RANBP2: variants seen among roughly 807,000 people sequenced by gnomAD.
RANBP2 encodes E3 SUMO-protein ligase RanBP2.
A neutral mutation model predicts 303.6 loss-of-function variants in RANBP2; 57 were observed. The observed-to-expected ratio is 0.19, with a 90% CI of 0.15 to 0.23. The LOEUF (loss-of-function observed/expected upper bound fraction) is 0.23. RANBP2 is among the 10% of genes least tolerant of loss of function. The pLI is 1.00. For synonymous variants in RANBP2, 1,167 were observed against 1,301.5 expected (o/e 0.90, Z 2.23); for missense variants, 3,138 against 3,780.8 (o/e 0.83, Z 4.46).
At chr2:109,307,191 G>A in the RANBP2 span, among the ~76,000 whole-genome samples, 1 of 152,178 alleles carries the variant, frequency 6.6e-6, no homozygotes, top group African/African-American at 2.4e-5. Flanking sequence ...CCACTGCTGG[G>A]AGGTGCACAT....
the RANBP2 span, among the ~76,000 whole-genome samples, chr2:109,489,074 G>C: frequency 1.3e-5 from 2 of 152,360 alleles, no homozygotes; most frequent in African/African-American, 4.8e-5. Flanking sequence ...AAAGTGGGGA[G>C]CGAAGGCCGA....
the RANBP2 span, among the ~76,000 whole-genome samples, chr2:109,578,195 A>G: frequency 6.6e-6 from 1 of 152,190 alleles, no homozygotes; most frequent in Non-Finnish European, 1.5e-5. Flanking sequence ...ATATGTCGGT[A>G]ATTACATTAA....
At chr2:109,099,337 T>C in the RANBP2 span, among the ~76,000 whole-genome samples, 1 of 152,200 alleles carries the variant, frequency 6.6e-6, no homozygotes, top group Non-Finnish European at 1.5e-5. Context: ...AGGCATCCTG[T>C]GCTCAGTCTC....
the RANBP2 span, among the ~76,000 whole-genome samples, chr2:109,081,371 C>A: frequency 6.6e-6 from 1 of 152,124 alleles, no homozygotes; most frequent in South Asian, 2.1e-4. Context: ...GCCCCCCATG[C>A]AGGGATGGGG....
chr2:109,077,584 A>G, the RANBP2 span, among the ~76,000 whole-genome samples: 2 of 150,590 alleles, frequency 1.3e-5, no homozygotes, highest in South Asian at 4.2e-4. Flanking sequence ...TATACAAAAT[A>G]TATTAGGTAC....
At chr2:109,033,807 T>A in the RANBP2 span, among the ~76,000 whole-genome samples, 2 of 148,490 alleles carry the variant, frequency 1.3e-5, no homozygotes, top group African/African-American at 2.5e-5. Context: ...ACAAAAAAAA[T>A]GAGCCAGGTG....
At chr2:109,641,860 C>A in the RANBP2 span, among the ~76,000 whole-genome samples, 4 of 152,134 alleles carry the variant, frequency 2.6e-5, no homozygotes, top group Non-Finnish European at 5.9e-5. Flanking sequence ...GGCTGGAGTA[C>A]AATGGTGCAA....
chr2:109,704,757 A>T, the RANBP2 span, among the ~76,000 whole-genome samples: 3 of 151,614 alleles, frequency 2.0e-5, no homozygotes, highest in Non-Finnish European at 2.9e-5. Context: ...AGGCTGAGGC[A>T]GAAGAATCAC....
chr2:109,663,382 T>A, the RANBP2 span, among the ~76,000 whole-genome samples: 1 of 152,206 alleles, frequency 6.6e-6, no homozygotes, highest in African/African-American at 2.4e-5. Flanking sequence ...ATTTGTGCAT[T>A]CATTTCAGCA....
chr2:109,456,672 G>A, the RANBP2 span, among the ~76,000 whole-genome samples: 3 of 152,210 alleles, frequency 2.0e-5, no homozygotes, highest in Non-Finnish European at 4.4e-5. Context: ...ATTGGGATGA[G>A]ACTTCTGGAT....
the RANBP2 span, among the ~76,000 whole-genome samples, chr2:109,447,336 C>T: frequency 9.9e-5 from 15 of 152,108 alleles, no homozygotes; most frequent in African/African-American, 3.4e-4. Context: ...AGGCCTGACT[C>T]CCAGATGGAG....
At chr2:109,459,939 G>A in the RANBP2 span, among the ~76,000 whole-genome samples, 5 of 152,198 alleles carry the variant, frequency 3.3e-5, no homozygotes, top group Non-Finnish European at 5.9e-5. Context: ...ATTTGATGCT[G>A]ATTCAGAGCA....
chr2:109,363,382 A>G, the RANBP2 span, among the ~76,000 whole-genome samples: 1 of 152,156 alleles, frequency 6.6e-6, no homozygotes, highest in Non-Finnish European at 1.5e-5. Context: ...TGTTCCTTGT[A>G]TCATTGGTGT....
At chr2:108,725,487 C>T (rs932642242) in intron 1 of RANBP2, among the ~76,000 whole-genome samples, 1 of 152,210 alleles carries the variant, frequency 6.6e-6, no homozygotes, top group African/African-American at 2.4e-5. Flanking sequence ...ACTGGCTGGG[C>T]TCAATGGCTG....
the RANBP2 span, among the ~76,000 whole-genome samples, chr2:109,055,339 T>C: frequency 6.6e-6 from 1 of 150,386 alleles, no homozygotes; most frequent in Admixed American, 6.8e-5. Flanking sequence ...TATGTGTATA[T>C]GTCTTGCCTT....
the RANBP2 span, among the ~76,000 whole-genome samples, chr2:109,080,467 T>C: frequency 6.6e-6 from 1 of 152,160 alleles, no homozygotes; most frequent in Non-Finnish European, 1.5e-5. Context: ...GGGGAGCAAC[T>C]GAAGAAACTG....
chr2:108,767,106 A>G lies in RANBP2; in HGVS notation c.6567A>G (p.Thr2189=). The G allele has an allele frequency of 6.2e-7, 1 of 1,611,596 alleles. No homozygotes were observed. The highest frequency in any genetic ancestry group is 1.1e-5 in the South Asian group (1 of 90,996). The part of the protein sequence containing the change: ...DFKTFLTNDQ[T]KVTEEENKGS... ...AAACATTTTTGACAAATGATCAAAC[A>G]AAAGTCACTGAGGAAGAAAATAAGG... The change falls in exon 20 of 29, where the codon ACA becomes ACG. Residue 2189 remains threonine (T), a synonymous_variant. Coordinates refer to ENST00000283195, the MANE Select transcript of RANBP2 (RefSeq NM_006267.5).
chr2:109,315,029 A>AAT, the RANBP2 span, among the ~76,000 whole-genome samples: 1 of 152,246 alleles, frequency 6.6e-6, no homozygotes, highest in African/African-American at 2.4e-5. Context: ...GACCACACTC[A>AAT]GTGAACAGCG....
the RANBP2 span, among the ~76,000 whole-genome samples, chr2:109,048,550 A>G: frequency 1.3e-5 from 2 of 152,198 alleles, no homozygotes; most frequent in Admixed American, 6.5e-5. Flanking sequence ...CAGTAATTGA[A>G]TTGCAGGGAG....
Sources: gnomAD v4.1 joint callset for allele counts (sites outside exome capture counted in the v4.1 genomes callset) on GRCh38, gnomAD v4.1.1 for gene constraint, MANE v1.5 for transcripts, NCBI Gene and HGNC (gene_info 2026-07-23, HGNC 2026-07-21) for gene names.